Variants in SLC22A23 observed in about 807,000 individuals in gnomAD.
SLC22A23 encodes solute carrier family 22 member 23.
A neutral mutation model predicts 61.0 loss-of-function variants in SLC22A23; 26 were observed. The ratio of observed to expected loss-of-function variants is 0.43; its 90% confidence interval spans 0.31 to 0.59. The LOEUF is 0.59. SLC22A23 is among the 20% of genes least tolerant of loss of function. The pLI is 0.11. For synonymous variants in SLC22A23, 430 were observed against 413.9 expected, an observed-to-expected ratio of 1.04 and a Z score of -0.47; for missense variants, 796 against 934.7, an observed-to-expected ratio of 0.85 and a Z score of 1.94.
intron 1 of SLC22A23, among the ~76,000 whole-genome samples, chr6:3,430,039 T>A (rs1338718045): frequency 6.6e-6 from 1 of 152,162 alleles, no homozygotes; most frequent in African/African-American, 2.4e-5. Context: ...GTTAATTTTA[T>A]GTTATGTACA....
chr6:3,346,855 G>A (rs954533194), intron 3 of SLC22A23, among the ~76,000 whole-genome samples: 1 of 152,130 alleles, frequency 6.6e-6, no homozygotes, highest in African/African-American at 2.4e-5. Flanking sequence ...TCTTGGGTCA[G>A]GGCACACATA....
intron 3 of SLC22A23, among the ~76,000 whole-genome samples, chr6:3,405,849 C>A (rs1469398489): frequency 6.6e-6 from 1 of 152,160 alleles, no homozygotes; most frequent in Non-Finnish European, 1.5e-5. Context: ...AACTCTGAGT[C>A]TATTACCAGT....
intron 9 of SLC22A23, among the ~76,000 whole-genome samples, chr6:3,280,166 T>G (rs1001031648): frequency 6.6e-6 from 1 of 152,232 alleles, no homozygotes; most frequent in Non-Finnish European, 1.5e-5. Flanking sequence ...TGAACTGTCC[T>G]GTGCTGAGCC....
chr6:3,375,601 A>G (rs943570050), intron 3 of SLC22A23, among the ~76,000 whole-genome samples: 9 of 152,232 alleles, frequency 5.9e-5, no homozygotes, highest in African/African-American at 2.2e-4. Context: ...GATGTAATTT[A>G]CAGCTTTGTG....
At chr6:3,365,503 C>A (rs1032523093) in intron 3 of SLC22A23, among the ~76,000 whole-genome samples, 5 of 152,060 alleles carry the variant, frequency 3.3e-5, no homozygotes, top group African/African-American at 9.7e-5. Flanking sequence ...TCTGGCTGAG[C>A]CTGAGTGAGT....
At chr6:3,288,113 G>A (rs1759966510) in intron 6 of SLC22A23, among the ~76,000 whole-genome samples, 1 of 152,212 alleles carries the variant, frequency 6.6e-6, no homozygotes. Context: ...ACAAAGGCGT[G>A]GCTGCACCCT....
At chr6:3,287,682 TTTTTG>T (rs1581613701) in intron 6 of SLC22A23, among the ~76,000 whole-genome samples, 1 of 150,534 alleles carries the variant, frequency 6.6e-6, no homozygotes, top group Admixed American at 6.6e-5. Context: ...ACTGTTTTTT[TTTTTG>T]TTTTGTTTTG....
rs1424622717 is a variant in SLC22A23, at chr6:3,308,972, AC to A, written c.1083-10755del. ...AACAAACAAACAAACCAACCAAAAA[AC>A]CCCAACAACCCACAGTGTGGATCGG... is the stretch of plus-strand genomic sequence containing the variant. On this transcript the variant is annotated intron_variant, in intron 4 of 9. Coordinates refer to ENST00000406686, the MANE Select transcript of SLC22A23 (RefSeq NM_015482.2). The surrounding 1 kb of genome is among the most constrained non-coding windows in gnomAD (Gnocchi z 5.1). Among the ~76,000 whole-genome samples, 1 of 150,996 alleles carries A rather than the reference AC, an allele frequency of 6.6e-6. No individual in the cohort carries two copies. Among genetic ancestry groups the A allele is most frequent in the Admixed American group, 6.6e-5 (1 of 15,146 alleles).
At position 3,456,395 on chromosome 6, in the gene SLC22A23, T is replaced by G. The variant is rs969355017; in HGVS notation, c.165A>C (p.Pro55=). The change falls in exon 1 of 10, where the codon CCA becomes CCC. Residue 55 remains proline, a synonymous_variant. Transcript: ENST00000406686. This position sits in a 1 kb window ranked among gnomAD's most constrained non-coding sequence, Gnocchi z 7.1. ...GGGAEIQPLP[P]LHPGGGPHPS... ...GGTGCGGGCCGCCTCCAGGATGCAG[T>G]GGGGGCAGCGGCTGGATCTCCGCGC... 3 of 1,516,156 alleles carry G rather than the reference T, an allele frequency of 2.0e-6. No homozygotes were observed. The African/African-American group carries it at 4.2e-5, about 21-fold the overall frequency. The allele number at this position is 1,516,156 out of a possible 1,614,324, so 93.9% of individuals were successfully genotyped here. A position where few individuals can be genotyped will look rare whatever the true frequency, so the allele number is the denominator to read the frequency against.
chr6:3,449,624 A>G (rs2127558227), intron 1 of SLC22A23, among the ~76,000 whole-genome samples: 1 of 152,288 alleles, frequency 6.6e-6, no homozygotes, highest in South Asian at 2.1e-4. Flanking sequence ...ACCAAATACA[A>G]TTTTTTGCAC....
At chr6:3,432,355 T>C (rs1231841979) in intron 1 of SLC22A23, 1 of 985,348 alleles carries the variant, frequency 1.0e-6, no homozygotes, top group African/African-American at 1.7e-5. Context: ...TTAAAATAAA[T>C]GTTTAATGTT....
chr6:3,301,589 A>G (rs888061855), intron 4 of SLC22A23, among the ~76,000 whole-genome samples: 1 of 152,218 alleles, frequency 6.6e-6, no homozygotes, highest in Non-Finnish European at 1.5e-5. Flanking sequence ...AATCAAGACC[A>G]TAAATGAAGA....
intron 3 of SLC22A23, among the ~76,000 whole-genome samples, chr6:3,350,367 C>T (rs1053651700): frequency 6.6e-6 from 1 of 152,146 alleles, no homozygotes; most frequent in Non-Finnish European, 1.5e-5. Flanking sequence ...CAGCTCGTCC[C>T]TAAGAATGGA....
At chr6:3,359,864 C>T (rs1765328143) in intron 3 of SLC22A23, among the ~76,000 whole-genome samples, 1 of 152,072 alleles carries the variant, frequency 6.6e-6, no homozygotes, top group South Asian at 2.1e-4. Context: ...TATAACTCAG[C>T]CTTAAAAAGG....
intron 3 of SLC22A23, among the ~76,000 whole-genome samples, chr6:3,345,970 T>C (rs1764413482): frequency 1.3e-5 from 2 of 152,204 alleles, no homozygotes; most frequent in African/African-American, 4.8e-5. Context: ...GTGGCCTTCC[T>C]TGATATTGCA....
chr6:3,323,313 T>TA (rs776812511), intron 4 of SLC22A23: 4 of 456,422 alleles, frequency 8.8e-6, no homozygotes, highest in African/African-American at 2.0e-5. Context: ...CAGCCACAGG[T>TA]AATACCTATG....
chr6:3,448,418 A>C (rs933875845), intron 1 of SLC22A23, among the ~76,000 whole-genome samples: 1 of 152,260 alleles, frequency 6.6e-6, no homozygotes, highest in African/African-American at 2.4e-5. Flanking sequence ...ATAGAAGCCA[A>C]GCTGGCTCCC....
intron 3 of SLC22A23, among the ~76,000 whole-genome samples, chr6:3,379,612 T>C (rs1260291697): frequency 6.6e-6 from 1 of 152,196 alleles, no homozygotes; most frequent in South Asian, 2.1e-4. Flanking sequence ...AACAAACATT[T>C]TGGGGACTGA....
rs181735843 is a variant in SLC22A23, at chr6:3,327,690, T to C, written c.914-3688A>G. Among the ~76,000 whole-genome samples, 328 of 152,330 alleles carry C rather than the reference T, an allele frequency of 2.2e-3. 1 individual carries two copies. Among genetic ancestry groups the C allele is most frequent in the Non-Finnish European group, 2.6e-3 (174 of 68,034 alleles). ...CTAAACAGCATATAGTGCTAGAACA[T>C]AGGTGCTATGTGTTACAATCTCGTG... On this transcript the variant is annotated intron_variant, in intron 3 of 9. Coordinates refer to ENST00000406686, the MANE Select transcript of SLC22A23 (RefSeq NM_015482.2). The surrounding 1 kb of genome is among the most constrained non-coding windows in gnomAD (Gnocchi z 4.1).
Sources: allele counts gnomAD v4.1 joint callset (sites outside exome capture counted in the v4.1 genomes callset), GRCh38; gene constraint gnomAD v4.1.1; non-coding constraint Gnocchi (gnomAD v3.1); transcripts MANE v1.5; gene names NCBI Gene and HGNC (gene_info 2026-07-23, HGNC 2026-07-21).